FCMR: variants seen among roughly 807,000 people sequenced by gnomAD.
The protein encoded by FCMR is immunoglobulin mu Fc receptor.
FCMR carries 34 observed loss-of-function variants against 41.6 expected under a neutral mutation model. The observed-to-expected ratio is 0.82, with a 90% CI of 0.62 to 1.09. The LOEUF (loss-of-function observed/expected upper bound fraction) is 1.09, where lower values mean the gene tolerates loss of function less well. FCMR is among the 50% of genes least tolerant of loss of function. The pLI is 0.00. For missense variants in FCMR, 496 were observed against 512.5 expected, an observed-to-expected ratio of 0.97 and a Z score of 0.31; for synonymous variants, 209 against 211.8, an observed-to-expected ratio of 0.99 and a Z score of 0.12.
At chr1:206,919,553 A>G (rs1363528282) in intron 1 of FCMR, among the ~76,000 whole-genome samples, 1 of 152,130 alleles carries the variant, frequency 6.6e-6, no homozygotes, top group African/African-American at 2.4e-5. Flanking sequence ...TCGTGATCAC[A>G]CCACTGCATT....
At chr1:206,906,081 G>C in intron 7 of FCMR, 1 of 381,656 alleles carries the variant, frequency 2.6e-6, no homozygotes. Context: ...CAAGTAATCA[G>C]TGAAAGACAG....
chr1:206,913,048 G>T lies in FCMR; in HGVS notation c.374-6C>A. Reference sequence around the variant, plus strand: ...TTCCCATGATGGCTCGTATTCTATTGGAAGGAAGAGGAATATGTTGGTGGT... The same window carrying T: ...TTCCCATGATGGCTCGTATTCTATTTGAAGGAAGAGGAATATGTTGGTGGT... On this transcript the variant is annotated splice_region_variant and splice_polypyrimidine_tract_variant and intron_variant, in intron 2 of 7. Transcript: ENST00000367091. 1.9e-6 allele frequency: 3 copies of T among 1,598,084 alleles called. No individual in the cohort carries two copies. In the Admixed American group the frequency reaches 5.0e-5, roughly 27 times the overall value.
Position 206,904,910 on chromosome 1 carries a change from G to A in FCMR, c.*109C>T. 8.6e-7 allele frequency: 1 copy of A among 1,156,648 alleles called. No homozygotes were observed. The highest frequency in any genetic ancestry group is 1.3e-6 in the Non-Finnish European group (1 of 779,684). The allele number at this position is 1,156,648 out of a possible 1,614,324, so 71.6% of individuals were successfully genotyped here. On this transcript the variant is annotated 3_prime_UTR_variant, in exon 8 of 8. Coordinates refer to ENST00000367091, the MANE Select transcript of FCMR (RefSeq NM_005449.5). ...TGGGAGTCGAGATGGGGCATGGGAA[G>A]TGATGAGGGCTCTGAGAACACATGA... is the stretch of plus-strand genomic sequence containing the variant.
chr1:206,908,008 C>T (rs1179444699), intron 7 of FCMR: 29 of 1,442,938 alleles, frequency 2.0e-5, no homozygotes, highest in Non-Finnish European at 2.7e-5. Flanking sequence ...GCGTCTGAAG[C>T]TTACAAGAAA....
chr1:206,910,244 C>T lies in FCMR; in HGVS notation c.807G>A (p.Gly269=). ...TTTCAACGGCCCTTTTCACCACCAG[C>T]CCCAGAAGTGCCAGCAGGAAAAGGC... is the stretch of plus-strand genomic sequence containing the variant. ...ILGLFLLALL[G]LVVKRAVERR... is the part of the protein sequence containing the mutation. Residue 269 remains glycine, a synonymous_variant, in exon 5 of 8, where the codon GGG becomes GGA. Coordinates refer to ENST00000367091, the MANE Select transcript of FCMR (RefSeq NM_005449.5). 1 of 1,600,610 alleles carries T rather than the reference C, an allele frequency of 6.2e-7. No homozygotes were observed. Among genetic ancestry groups the T allele is most frequent in the Non-Finnish European group, 8.5e-7 (1 of 1,174,254 alleles).
chr1:206,909,787 G>A lies in FCMR; in HGVS notation c.923C>T (p.Pro308Leu). Reference protein sequence around the residue: ...SSQRPRGSPRPRSQNNIYSAC... With the variant: ...SSQRPRGSPRLRSQNNIYSAC... ...GCTGTAGATGTTGTTTTGGGAGCGCGGTCGCGGCGACCCGCGGGGCCTCTG... is the reference window on the plus strand; with the variant it reads ...GCTGTAGATGTTGTTTTGGGAGCGCAGTCGCGGCGACCCGCGGGGCCTCTG... Residue 308 changes from proline to leucine, a missense_variant, in exon 6 of 8, where the codon CCG becomes CTG. Physicochemically the swap from Pro to Leu is moderately conservative, Grantham distance 98. Coordinates refer to ENST00000367091, the MANE Select transcript of FCMR (RefSeq NM_005449.5). This position sits in a 1 kb window ranked among gnomAD's most constrained non-coding sequence, Gnocchi z 5.0. 1.4e-6 allele frequency: 2 copies of A among 1,452,730 alleles called. No homozygotes were observed. 90.0% of individuals were successfully genotyped at this position (1,452,730 alleles called of 1,614,324 possible).
Position 206,921,824 on chromosome 1 carries a change from G to A in FCMR, c.31C>T (p.Leu11=). The A allele has an allele frequency of 1.2e-6, 2 of 1,614,136 alleles. No homozygotes were observed. Among genetic ancestry groups the A allele is most frequent in the Non-Finnish European group, 1.7e-6 (2 of 1,179,950 alleles). The change falls in exon 1 of 8, where the codon CTG becomes TTG. Residue 11 remains leucine (L), a synonymous_variant. Coordinates refer to ENST00000367091, the MANE Select transcript of FCMR (RefSeq NM_005449.5). MDFWLWPLYF[L]PVSGALRILP... ...GTTTCCCCACGGTACTTACCTGGCA[G>A]GAAGTAAAGTGGCCAAAGCCAGAAG... is the stretch of plus-strand genomic sequence containing the variant.
chr1:206,910,470 T>G, intron 4 of FCMR, 130 bp from the exon 5 acceptor site: 1 of 621,638 alleles, frequency 1.6e-6, no homozygotes, highest in Non-Finnish European at 2.5e-6. Flanking sequence ...CAGAATTCAC[T>G]CCACTCCCCC....
At chr1:206,913,407 C>T (rs944126734) in intron 2 of FCMR, among the ~76,000 whole-genome samples, 5 of 152,136 alleles carry the variant, frequency 3.3e-5, no homozygotes, top group African/African-American at 1.2e-4. Flanking sequence ...TAGTGTCTTT[C>T]CTTTATTTCT....
At position 206,905,108 on chromosome 1, in the gene FCMR, T is replaced by C. The variant is rs1417312230; in HGVS notation, c.1084A>G (p.Thr362Ala). ...TAGAGGCTCACGTATTCACAGCTGG[T>C]CTTCAGAGATGGGGCATGGAGCCAG... ...SPWLHAPSLK[T>A]SCEYVSLYHQ... is the part of the protein sequence containing the mutation. Residue 362 changes from threonine (T) to alanine (A), a missense_variant, in exon 8 of 8, where the codon ACC (threonine) becomes GCC (alanine). Coordinates refer to ENST00000367091, the MANE Select transcript of FCMR (RefSeq NM_005449.5). 2 of 1,613,930 alleles carry C rather than the reference T, an allele frequency of 1.2e-6. No homozygotes were observed. Among genetic ancestry groups the C allele is most frequent in the South Asian group, 1.1e-5 (1 of 91,078 alleles).
chr1:206,914,291 C>CT (rs1444378440), intron 1 of FCMR, among the ~76,000 whole-genome samples, 197 bp from the exon 2 acceptor site: 1 of 151,424 alleles, frequency 6.6e-6, no homozygotes. Flanking sequence ...ATCCTCATTT[C>CT]TTTTTTCTTT....
chr1:206,920,058 C>T (rs1020176899), intron 1 of FCMR, among the ~76,000 whole-genome samples: 1 of 152,142 alleles, frequency 6.6e-6, no homozygotes, highest in Non-Finnish European at 1.5e-5. Flanking sequence ...AAGATGGACA[C>T]ACATTGAACA....
chr1:206,910,774 G>C (rs954906913), intron 4 of FCMR, among the ~76,000 whole-genome samples: 1 of 152,136 alleles, frequency 6.6e-6, no homozygotes, highest in African/African-American at 2.4e-5. Context: ...TTCTCATAGT[G>C]CTCCTTCTGC....
intron 1 of FCMR, among the ~76,000 whole-genome samples, chr1:206,915,867 AAG>A (rs1377616297): frequency 6.6e-6 from 1 of 152,192 alleles, no homozygotes; most frequent in Non-Finnish European, 1.5e-5. Flanking sequence ...TTAGTCAAAC[AAG>A]AGTCAGGTAT....
rs373951034 is a variant in FCMR at position 206,913,814 on chromosome 1, C to G, written c.318G>C (p.Ala106=). The change falls in exon 2 of 8, where the codon GCG becomes GCC. Residue 106 remains alanine, a synonymous_variant. Transcript: ENST00000367091. ...TCTTTCCCCGGTCTGTGTTCATGCC[C>G]GCTCCGCAGGCATAGACTCCGCTGT... ...ESDSGVYACG[A]GMNTDRGKTQ... 28 of 1,614,030 alleles carry G rather than the reference C, an allele frequency of 1.7e-5. No homozygotes were observed. The East Asian group carries it at 6.0e-4, about 35-fold the overall frequency.
chr1:206,907,080 C>CG (rs1678681729), intron 7 of FCMR, among the ~76,000 whole-genome samples: 4 of 25,708 alleles, frequency 1.6e-4, no homozygotes, highest in African/African-American at 3.7e-4. Flanking sequence ...CCGGAGAAGC[C>CG]GGGGGGTGGG....
At chr1:206,908,260 T>G in intron 7 of FCMR, 1 of 1,158,498 alleles carries the variant, frequency 8.6e-7, no homozygotes, top group Non-Finnish European at 1.3e-6. Context: ...TCCTCATGCT[T>G]GGCCTGGCCT....
rs1279650921 is a variant in FCMR at position 206,913,766 on chromosome 1, G to A, written c.366C>T (p.Val122=). 1 of 1,613,798 alleles carries A rather than the reference G, an allele frequency of 6.2e-7. No homozygotes were observed. The highest frequency in any genetic ancestry group is 1.7e-5 in the Admixed American group (1 of 60,022). ...RGKTQKVTLN[V]HSEYEPSWEE... is the part of the protein sequence containing the mutation. ...ATCAGCGGAGGAACCTACCACTGTG[G>A]ACATTCAGGGTGACTTTCTGGGTCT... Residue 122 remains valine (V), a synonymous_variant, in exon 2 of 8, where the codon GTC becomes GTT. Transcript: ENST00000367091.
chr1:206,908,433 TTTATC>T (rs1198475304), intron 7 of FCMR, among the ~76,000 whole-genome samples: 1 of 152,152 alleles, frequency 6.6e-6, no homozygotes. Flanking sequence ...GCAGGTGTAA[TTTATC>T]TATGACCAAT....
Sources: allele counts gnomAD v4.1 joint callset (sites outside exome capture counted in the v4.1 genomes callset), GRCh38; gene constraint gnomAD v4.1.1; non-coding constraint Gnocchi (gnomAD v3.1); transcripts MANE v1.5; gene names NCBI Gene and HGNC (gene_info 2026-07-23, HGNC 2026-07-21).